The following CEP128 variants were observed in gnomAD, a reference collection of about 807,000 sequenced individuals.
CEP128 encodes centrosomal protein 128kDa.
A neutral mutation model predicts 156.7 loss-of-function variants in CEP128; 132 were observed. That is an observed-to-expected ratio of 0.84 (90% CI 0.73 to 0.97). The LOEUF is 0.97. Ranked by LOEUF, CEP128 falls within the 50% of genes least tolerant of loss-of-function variation. The pLI is 0.00. For missense variants in CEP128, 1,252 were observed against 1,281.9 expected (o/e 0.98, Z 0.36); for synonymous variants, 469 against 448.9 (o/e 1.04, Z -0.57).
chr14:80,543,265 C>T (rs577175272), intron 21 of CEP128, among the ~76,000 whole-genome samples: 4 of 152,320 alleles, frequency 2.6e-5, no homozygotes, highest in East Asian at 3.9e-4. Context: ...GTTTCCCTGA[C>T]GACTGCTGCC....
At chr14:80,652,232 T>C (rs1390914556) in intron 19 of CEP128, among the ~76,000 whole-genome samples, 2 of 151,882 alleles carry the variant, frequency 1.3e-5, no homozygotes, top group Non-Finnish European at 2.9e-5. Flanking sequence ...CCTAAAACCA[T>C]AAAAATCCTA....
chr14:80,706,437 GTA>G (rs1016343853), intron 19 of CEP128, among the ~76,000 whole-genome samples: 45 of 152,082 alleles, frequency 3.0e-4, no homozygotes, highest in South Asian at 1.0e-3. Flanking sequence ...GTGTGTGTGT[GTA>G]TGTGTGTGTG....
intron 20 of CEP128, among the ~76,000 whole-genome samples, chr14:80,568,995 G>A (rs1442437561): frequency 2.6e-5 from 4 of 152,126 alleles, no homozygotes; most frequent in African/African-American, 7.2e-5. Flanking sequence ...ATTTCTCACT[G>A]CAGTCTGACT....
chr14:80,919,434 T>C (rs893865379), intron 2 of CEP128, among the ~76,000 whole-genome samples: 1 of 152,106 alleles, frequency 6.6e-6, no homozygotes, highest in Non-Finnish European at 1.5e-5. Context: ...TAGTAAAATA[T>C]TTAGAACACT....
chr14:80,768,859 C>A (rs1226674339), intron 16 of CEP128, among the ~76,000 whole-genome samples: 1 of 152,142 alleles, frequency 6.6e-6, no homozygotes, highest in East Asian at 1.9e-4. Flanking sequence ...TTGAGCAATA[C>A]AAAGACGATG....
intron 6 of CEP128, among the ~76,000 whole-genome samples, chr14:80,491,114 A>C (rs1887308679): frequency 6.6e-6 from 1 of 152,224 alleles, no homozygotes; most frequent in Non-Finnish European, 1.5e-5. Context: ...CCCTCAGTGG[A>C]ATCTAATCCA....
chr14:80,803,142 G>C (rs1391262063), intron 13 of CEP128, among the ~76,000 whole-genome samples: 2 of 152,116 alleles, frequency 1.3e-5, no homozygotes, highest in Admixed American at 6.6e-5. Flanking sequence ...TTGCTCCAGA[G>C]AACCACAGGG....
chr14:80,856,720 C>CTTTT lies in CEP128; in HGVS notation c.762+6033_762+6036dup, dbSNP rs766724436. ...AGCATTTATCTCATGTTTTTCTTTT[C>CTTTT]TTTTTTTTTTTTTTTTTTTTTTTTT... On this transcript the variant is annotated intron_variant, in intron 9 of 24. Coordinates refer to ENST00000555265, the MANE Select transcript of CEP128 (RefSeq NM_152446.5). 1.3e-3 allele frequency among the ~76,000 whole-genome samples: 82 copies of CTTTT among 65,204 alleles called. 2 individuals carry two copies. The highest frequency in any genetic ancestry group is 1.7e-3 in the Non-Finnish European group (61 of 35,610). 42.8% of individuals were successfully genotyped at this position (65,204 alleles called of 152,430 possible). A position where few individuals can be genotyped will look rare whatever the true frequency, so the allele number is the denominator to read the frequency against.
intron 4 of CEP128, 84 bp downstream of exon 4, chr14:80,914,238 C>A: frequency 1.1e-6 from 1 of 925,506 alleles, no homozygotes; most frequent in Non-Finnish European, 1.8e-6. Context: ...TGGTTTTTTC[C>A]TTTAGCTCAC....
At chr14:80,808,938 T>C (rs1171046468) in intron 13 of CEP128, among the ~76,000 whole-genome samples, 1 of 152,100 alleles carries the variant, frequency 6.6e-6, no homozygotes, top group African/African-American at 2.4e-5. Context: ...GATATCAATG[T>C]AAGAATGCAG....
chr14:80,729,381 C>CATAT (rs10680290), intron 19 of CEP128, among the ~76,000 whole-genome samples: 6,334 of 150,776 alleles, frequency 0.042, 430 homozygotes, highest in African/African-American at 0.14. Flanking sequence ...CTATGGTATA[C>CATAT]ATATATATAT....
In CEP128 at chr14:80,785,552, G is replaced by A. The variant is rs1269976504; in HGVS notation, c.1561-7C>T. The A allele has an allele frequency of 4.4e-6, 7 of 1,573,414 alleles. No homozygotes were observed. The highest frequency in any genetic ancestry group is 5.2e-6 in the Non-Finnish European group (6 of 1,162,364). ...CATCCTTTTCTTTTAAAATCTATCA[G>A]GTTAAGAACATGAAGCAAAAGAAAA... On this transcript the variant is annotated splice_polypyrimidine_tract_variant and splice_region_variant and intron_variant, in intron 14 of 24. Transcript: ENST00000555265.
intron 19 of CEP128, among the ~76,000 whole-genome samples, chr14:80,670,069 G>A (rs1895777513): frequency 6.6e-6 from 1 of 152,006 alleles, no homozygotes; most frequent in Non-Finnish European, 1.5e-5. Flanking sequence ...CATCAGATCT[G>A]GTAAGAACTC....
intron 19 of CEP128, among the ~76,000 whole-genome samples, chr14:80,719,328 C>T (rs1897727669): frequency 6.6e-6 from 1 of 152,186 alleles, no homozygotes; most frequent in African/African-American, 2.4e-5. Flanking sequence ...TAACTTAGCC[C>T]TGTACCCCAA....
Position 80,596,526 on chromosome 14 carries a change from C to G in CEP128, c.2807-16103G>C, listed in dbSNP as rs75038005. 6.8e-4 allele frequency among the ~76,000 whole-genome samples: 104 copies of G among 152,048 alleles called. 3 individuals carry two copies. Among genetic ancestry groups the G allele is most frequent in the East Asian group, 3.1e-3 (16 of 5,172 alleles). ...ACCAGGAATTGGATAAAAATGAAAA[C>G]AGCTAGGCACAGTGGCTCATGCCTG... On this transcript the variant is annotated intron_variant, in intron 19 of 24. Transcript: ENST00000555265.
chr14:80,873,820 C>T (rs893029979), intron 8 of CEP128, among the ~76,000 whole-genome samples: 5 of 151,602 alleles, frequency 3.3e-5, no homozygotes, highest in Non-Finnish European at 2.9e-5. Flanking sequence ...TTTAACATCA[C>T]GAATATTTTA....
chr14:80,934,774 G>A (rs1885687759), intron 2 of CEP128, among the ~76,000 whole-genome samples: 1 of 151,998 alleles, frequency 6.6e-6, no homozygotes, highest in Non-Finnish European at 1.5e-5. Flanking sequence ...ATAAATAGGA[G>A]ACCCCATAAC....
chr14:80,507,168 C>T (rs1403068599), intron 23 of CEP128, among the ~76,000 whole-genome samples: 2 of 151,922 alleles, frequency 1.3e-5, no homozygotes, highest in East Asian at 1.9e-4. Flanking sequence ...GAACCGTGAG[C>T]CAATTTCTTC....
chr14:80,591,142 A>T (rs1892045111), intron 19 of CEP128, among the ~76,000 whole-genome samples: 1 of 152,200 alleles, frequency 6.6e-6, no homozygotes, highest in East Asian at 1.9e-4. Flanking sequence ...GACAGGATCA[A>T]ATTCACACAT....
Sources: allele counts gnomAD v4.1 joint callset (sites outside exome capture counted in the v4.1 genomes callset), GRCh38; gene constraint gnomAD v4.1.1; transcripts MANE v1.5; gene names NCBI Gene and HGNC (gene_info 2026-07-23, HGNC 2026-07-21).